SLC44A5: variants seen among roughly 807,000 people sequenced by gnomAD.
SLC44A5 encodes solute carrier family 44 member 5.
SLC44A5 carries 57 observed loss-of-function variants against 101.8 expected under a neutral mutation model. That is an observed-to-expected ratio of 0.56 (90% CI 0.45 to 0.70). SLC44A5 has a LOEUF of 0.70. Among genes scored for constraint, SLC44A5 ranks in the 30% least tolerant of loss-of-function variants. The pLI is 0.00. For missense variants in SLC44A5, 737 were observed against 853.1 expected (o/e 0.86, Z 1.70); for synonymous variants, 281 against 290.9 (o/e 0.97, Z 0.35).
At chr1:75,398,319 C>A (rs6691590) in intron 2 of SLC44A5, 1 of 947,736 alleles carries the variant, frequency 1.1e-6, no homozygotes, top group Non-Finnish European at 1.3e-6. Flanking sequence ...CCAATTTTCT[C>A]CAGCTCCCTC....
intron 2 of SLC44A5, among the ~76,000 whole-genome samples, chr1:75,468,719 CA>C (rs762537869): frequency 1.3e-5 from 2 of 150,984 alleles, no homozygotes; most frequent in Non-Finnish European, 3.0e-5. Flanking sequence ...TTAATGGGTA[CA>C]AAAAAAATAG....
intron 2 of SLC44A5, among the ~76,000 whole-genome samples, chr1:75,423,184 C>T (rs1570234518): frequency 6.6e-6 from 1 of 152,272 alleles, no homozygotes; most frequent in Non-Finnish European, 1.5e-5. Flanking sequence ...GAATGAATAC[C>T]TATAGCAATT....
intron 2 of SLC44A5, among the ~76,000 whole-genome samples, chr1:75,456,009 G>T (rs1267240677): frequency 1.3e-5 from 2 of 152,040 alleles, no homozygotes; most frequent in African/African-American, 2.4e-5. Context: ...CATTACCTGA[G>T]TACTTATCCA....
chr1:75,479,188 G>A (rs1667651100), intron 2 of SLC44A5, among the ~76,000 whole-genome samples: 2 of 152,134 alleles, frequency 1.3e-5, no homozygotes, highest in Admixed American at 1.3e-4. Flanking sequence ...AAATAAAGAT[G>A]TTCTTTGAAA....
At chr1:75,363,136 T>C (rs1383084025) in intron 3 of SLC44A5, among the ~76,000 whole-genome samples, 1 of 152,072 alleles carries the variant, frequency 6.6e-6, no homozygotes, top group African/African-American at 2.4e-5. Context: ...TCATTTGGTT[T>C]CCATTTGCAT....
In SLC44A5 at chr1:75,300,691, G is replaced by T. The variant is rs761369894; in HGVS notation, c.102-6C>A. 1.3e-6 allele frequency: 2 copies of T among 1,556,552 alleles called. No individual in the cohort carries two copies. Among genetic ancestry groups the T allele is most frequent in the Non-Finnish European group, 1.7e-6 (2 of 1,153,530 alleles). On this transcript the variant is annotated splice_region_variant and splice_polypyrimidine_tract_variant and intron_variant, in intron 4 of 23. Transcript: ENST00000370859. ...ACAGAACATCTGTACAACTCCTAAA[G>T]ACAAAAAAAGAAATAAATAATTAAA...
At chr1:75,402,705 T>G (rs1662572736) in intron 2 of SLC44A5, among the ~76,000 whole-genome samples, 1 of 151,570 alleles carries the variant, frequency 6.6e-6, no homozygotes, top group Non-Finnish European at 1.5e-5. Context: ...GATTAGGAGG[T>G]TCCCTCAGGT....
chr1:75,636,754 G>C, the SLC44A5 span, among the ~76,000 whole-genome samples: 1 of 152,056 alleles, frequency 6.6e-6, no homozygotes, highest in Admixed American at 6.6e-5. Flanking sequence ...CAAATGCTTT[G>C]ACAGTTTATG....
chr1:75,642,235 T>G, the SLC44A5 span: 2 of 535,596 alleles, frequency 3.7e-6, no homozygotes, highest in Non-Finnish European at 6.5e-6. Flanking sequence ...TCACTTGATA[T>G]TATGATGACT....
chr1:75,473,833 T>TA lies in SLC44A5; in HGVS notation c.13+67601dup, dbSNP rs554366297. Among the ~76,000 whole-genome samples the TA allele has an allele frequency of 7.2e-5, 11 of 152,298 alleles. No homozygotes were observed. In the South Asian group the frequency reaches 1.9e-3, roughly 26 times the overall value. On this transcript the variant is annotated intron_variant, in intron 2 of 23. Transcript: ENST00000370859. ...TGTGGCCTTTTCCAACTTTGTCCAATAGCAAATTTGTCCAGCCTAGCTGGT... is the reference window on the plus strand; with the variant it reads ...TGTGGCCTTTTCCAACTTTGTCCAATAAGCAAATTTGTCCAGCCTAGCTGGT...
chr1:75,676,705 T>C, the SLC44A5 span, among the ~76,000 whole-genome samples: 1 of 152,272 alleles, frequency 6.6e-6, no homozygotes, highest in African/African-American at 2.4e-5. Flanking sequence ...TAAAATTTTA[T>C]TTAAAGGTAT....
intron 1 of SLC44A5, among the ~76,000 whole-genome samples, chr1:75,604,362 A>C (rs1315178703): frequency 1.3e-5 from 2 of 151,952 alleles, no homozygotes; most frequent in Non-Finnish European, 2.9e-5. Flanking sequence ...CTTCTGTTCC[A>C]TTGGTCTATG....
Position 75,219,910 on chromosome 1 carries a change from G to A in SLC44A5, c.1086-18C>T, listed in dbSNP as rs757127749. 18 of 1,515,060 alleles carry A rather than the reference G, an allele frequency of 1.2e-5. No individual in the cohort carries two copies. Among genetic ancestry groups the A allele is most frequent in the Admixed American group, 3.6e-5 (2 of 56,214 alleles). 93.9% of individuals were successfully genotyped at this position (1,515,060 alleles called of 1,614,324 possible). A position where few individuals can be genotyped will look rare whatever the true frequency, so the allele number is the denominator to read the frequency against. Reference sequence around the variant, plus strand: ...CAATGGCTCTGAAATAAAACAAATAGTTGAAATTCAATTGTTAAAACTAGA... The same window carrying A: ...CAATGGCTCTGAAATAAAACAAATAATTGAAATTCAATTGTTAAAACTAGA... On this transcript the variant is annotated intron_variant, in intron 14 of 23. Coordinates refer to ENST00000370859, the MANE Select transcript of SLC44A5 (RefSeq NM_001130058.2).
rs112585453 is a variant in SLC44A5, at chr1:75,389,195, C to T, written c.52+7388G>A. Reference sequence around the variant, plus strand: ...CAGATTCATAAAACAGGTACTTCTACACCTATGGAAAGACTTAAACATCCA... The same window carrying T: ...CAGATTCATAAAACAGGTACTTCTATACCTATGGAAAGACTTAAACATCCA... On this transcript the variant is annotated intron_variant, in intron 3 of 23. Transcript: ENST00000370859. 5.6e-3 allele frequency among the ~76,000 whole-genome samples: 858 copies of T among 152,294 alleles called. 7 individuals carry two copies. The highest frequency in any genetic ancestry group is 0.02 in the African/African-American group (824 of 41,560).
chr1:75,533,744 T>C (rs1302958059), intron 2 of SLC44A5, among the ~76,000 whole-genome samples: 1 of 152,228 alleles, frequency 6.6e-6, no homozygotes, highest in Non-Finnish European at 1.5e-5. Context: ...CATAGTTTAC[T>C]ATGCACATTT....
chr1:75,371,141 C>T (rs939086292), intron 3 of SLC44A5, among the ~76,000 whole-genome samples: 4 of 152,176 alleles, frequency 2.6e-5, no homozygotes, highest in South Asian at 2.1e-4. Context: ...CATCTCTTTA[C>T]GTGCAGCAAG....
intron 6 of SLC44A5, among the ~76,000 whole-genome samples, chr1:75,273,111 TG>T (rs1219844199): frequency 6.6e-6 from 1 of 152,124 alleles, no homozygotes; most frequent in East Asian, 1.9e-4. Flanking sequence ...TGGTTAAGTG[TG>T]TTCCTAGGTA....
chr1:75,671,359 A>T, the SLC44A5 span, among the ~76,000 whole-genome samples: 1 of 152,230 alleles, frequency 6.6e-6, no homozygotes, highest in Non-Finnish European at 1.5e-5. Flanking sequence ...CTTCAAAATT[A>T]GCAAGGCCCT....
Position 75,219,248 on chromosome 1 carries a change from T to C in SLC44A5, c.1266+9A>G. The C allele has an allele frequency of 6.3e-7, 1 of 1,583,282 alleles. No homozygotes were observed. The highest frequency in any genetic ancestry group is 1.1e-5 in the South Asian group (1 of 90,500). ...GAAGTAAGTAAATGAAAGAGTTTCT[T>C]GTACTTACCTCTGGGTCACAGGTTT... On this transcript the variant is annotated intron_variant, in intron 16 of 23. Transcript: ENST00000370859.
Sources: gnomAD v4.1 joint callset for allele counts (sites outside exome capture counted in the v4.1 genomes callset) on GRCh38, gnomAD v4.1.1 for gene constraint, MANE v1.5 for transcripts, NCBI Gene and HGNC (gene_info 2026-07-23, HGNC 2026-07-21) for gene names.